Variants in KLC1 observed in about 807,000 individuals in gnomAD.
KLC1 encodes the protein kinesin 2 60/70kDa.
KLC1 carries 30 observed loss-of-function variants against 84.2 expected under a neutral mutation model. That is an observed-to-expected ratio of 0.36 (90% CI 0.27 to 0.48). The LOEUF (loss-of-function observed/expected upper bound fraction) is 0.48. Ranked by LOEUF, KLC1 falls within the 20% of genes least tolerant of loss-of-function variation. The pLI, the probability that KLC1 is intolerant of heterozygous loss-of-function variation, is 0.99. For synonymous variants in KLC1, 289 were observed against 293.3 expected (o/e 0.99, Z 0.15); for missense variants, 499 against 805.4 (o/e 0.62, Z 4.60).
At chr14:103,644,823 C>T (rs1308190998) in intron 1 of KLC1, among the ~76,000 whole-genome samples, 1 of 152,168 alleles carries the variant, frequency 6.6e-6, no homozygotes, top group African/African-American at 2.4e-5. Context: ...GGGTCAAGTT[C>T]TACCTTTAGA....
chr14:103,636,490 G>A (rs999183018), intron 1 of KLC1, among the ~76,000 whole-genome samples: 6 of 151,962 alleles, frequency 3.9e-5, no homozygotes, highest in African/African-American at 1.4e-4. Context: ...AAAGTGTTGG[G>A]ATTACAGGCG....
Position 103,673,376 on chromosome 14 carries a change from A to G in KLC1, c.1206A>G (p.Thr402=), listed in dbSNP as rs757863174. The change falls in exon 9 of 17, where the codon ACA becomes ACG. Residue 402 remains threonine (T), a synonymous_variant. Coordinates refer to ENST00000334553, the MANE Select transcript of KLC1 (RefSeq NM_001394837.1). ...AAGGAAAGTTCAAGCAAGCAGAAAC[A>G]CTGTACAAAGAGATTCTCACTCGTG... ...LKQGKFKQAE[T]LYKEILTRAH... The G allele has an allele frequency of 4.3e-6, 7 of 1,609,360 alleles. No homozygotes were observed. In the Admixed American group the frequency reaches 1.2e-4, roughly 27 times the overall value.
At chr14:103,633,821 C>G (rs1312862243) in intron 1 of KLC1, among the ~76,000 whole-genome samples, 1 of 152,080 alleles carries the variant, frequency 6.6e-6, no homozygotes, top group South Asian at 2.1e-4. Context: ...CCTGATTTTT[C>G]TCCTTAGCAC....
At chr14:103,664,675 C>T (rs1457450250) in intron 5 of KLC1, among the ~76,000 whole-genome samples, 1 of 151,744 alleles carries the variant, frequency 6.6e-6, no homozygotes, top group African/African-American at 2.4e-5. Flanking sequence ...CCACTACACC[C>T]AGCTAAATTT....
intron 12 of KLC1, among the ~76,000 whole-genome samples, chr14:103,677,872 C>G (rs1224860892): frequency 6.6e-6 from 1 of 151,622 alleles, no homozygotes; most frequent in South Asian, 2.1e-4. Context: ...GAGGCTGAGA[C>G]AGGAGAATCG....
chr14:103,656,577 C>T (rs1467982597), intron 2 of KLC1, among the ~76,000 whole-genome samples: 1 of 152,196 alleles, frequency 6.6e-6, no homozygotes, highest in Non-Finnish European at 1.5e-5. Context: ...GAGGAAGTGA[C>T]TGCCCACACC....
chr14:103,673,409 A>G lies in KLC1; in HGVS notation c.1239A>G (p.Glu413=). The stretch of plus-strand genomic sequence containing the variant: ...AAGAGATTCTCACTCGTGCACATGA[A>G]AGGGAGTTTGGTTCTGTAGATGGTA... ...LYKEILTRAH[E]REFGSVDDEN... Residue 413 remains glutamate (E), a synonymous_variant, in exon 9 of 17, where the codon GAA becomes GAG. Transcript: ENST00000334553. The G allele has an allele frequency of 6.2e-7, 1 of 1,606,736 alleles. No individual in the cohort carries two copies. The highest frequency in any genetic ancestry group is 8.5e-7 in the Non-Finnish European group (1 of 1,177,554).
At chr14:103,649,052 G>A (rs113197858) in intron 1 of KLC1, among the ~76,000 whole-genome samples, 79 of 152,024 alleles carry the variant, frequency 5.2e-4, no homozygotes, top group Admixed American at 1.0e-3. Context: ...TGGGAGGATC[G>A]CTTGAGCCCG....
intron 1 of KLC1, among the ~76,000 whole-genome samples, chr14:103,637,267 C>T (rs2077117103): frequency 6.6e-6 from 1 of 151,980 alleles, no homozygotes; most frequent in Non-Finnish European, 1.5e-5. Context: ...CGCGGTGGCT[C>T]ACACCTATAA....
intron 1 of KLC1, among the ~76,000 whole-genome samples, chr14:103,630,655 G>A (rs1223768877): frequency 6.6e-6 from 1 of 152,076 alleles, no homozygotes; most frequent in African/African-American, 2.4e-5. Context: ...TTACAGACAT[G>A]GCCTTGCTTC....
At chr14:103,646,968 C>T (rs2082848132) in intron 1 of KLC1, among the ~76,000 whole-genome samples, 1 of 152,100 alleles carries the variant, frequency 6.6e-6, no homozygotes, top group African/African-American at 2.4e-5. Flanking sequence ...AGAGGTAAAG[C>T]AACTGAATAT....
At position 103,694,407 on chromosome 14, in the gene KLC1, C is replaced by T. The variant is rs2082303719; in HGVS notation, c.1848+1982C>T. On this transcript the variant is annotated intron_variant, in intron 15 of 16. Transcript: ENST00000334553. This position sits in a 1 kb window ranked among gnomAD's most constrained non-coding sequence, Gnocchi z 4.5. The stretch of plus-strand genomic sequence containing the variant: ...GCTGGGACTACAGGCACCCGCCAGG[C>T]GGATCACAAGGTCAGGAGATCGAGA... 1.3e-5 allele frequency: 13 copies of T among 973,180 alleles called. No homozygotes were observed. Among genetic ancestry groups the T allele is most frequent in the South Asian group, 4.8e-5 (1 of 21,042 alleles). The allele number at this position is 973,180 out of a possible 1,614,324, so 60.3% of individuals were successfully genotyped here.
At chr14:103,676,344 C>G (rs1038989481) in intron 11 of KLC1, among the ~76,000 whole-genome samples, 2 of 152,172 alleles carry the variant, frequency 1.3e-5, no homozygotes, top group Non-Finnish European at 2.9e-5. Context: ...TCATGGCTCA[C>G]TGCAACCTCC....
chr14:103,653,604 A>T (rs1446471155), intron 1 of KLC1, among the ~76,000 whole-genome samples: 1 of 152,342 alleles, frequency 6.6e-6, no homozygotes, highest in African/African-American at 2.4e-5. Flanking sequence ...TATAGGAATG[A>T]GCCACCATGC....
At chr14:103,641,885 G>T (rs776933268) in intron 1 of KLC1, among the ~76,000 whole-genome samples, 46 of 152,070 alleles carry the variant, frequency 3.0e-4, no homozygotes, top group Non-Finnish European at 5.7e-4. Context: ...GCATCCCAAA[G>T]TGTTGGGATT....
intron 5 of KLC1, among the ~76,000 whole-genome samples, chr14:103,664,127 T>C (rs771977399): frequency 2.6e-5 from 4 of 152,136 alleles, no homozygotes; most frequent in Admixed American, 6.6e-5. Context: ...TTCCTGTTGG[T>C]GAATGTTGAG....
chr14:103,694,253 T>C lies in KLC1; in HGVS notation c.1848+1828T>C. 1 of 790,058 alleles carries C rather than the reference T, an allele frequency of 1.3e-6. No individual in the cohort carries two copies. Among genetic ancestry groups the C allele is most frequent in the African/African-American group, 2.1e-5 (1 of 47,158 alleles). The allele number at this position is 790,058 out of a possible 1,614,324, so 48.9% of individuals were successfully genotyped here. A position where few individuals can be genotyped will look rare whatever the true frequency, so the allele number is the denominator to read the frequency against. ...GCCCATAGAGACGTGTGTTTCACTTTTTTTTTTTTTTTTTTTGAGACGGAG... is the reference window on the plus strand; with the variant it reads ...GCCCATAGAGACGTGTGTTTCACTTCTTTTTTTTTTTTTTTTGAGACGGAG... On this transcript the variant is annotated intron_variant, in intron 15 of 16. Coordinates refer to ENST00000334553, the MANE Select transcript of KLC1 (RefSeq NM_001394837.1). This position sits in a 1 kb window ranked among gnomAD's most constrained non-coding sequence, Gnocchi z 4.5.
At chr14:103,658,428 GTTTTTTTTTTTTTTTT>G (rs536826342) in intron 3 of KLC1, among the ~76,000 whole-genome samples, 1 of 91,232 alleles carries the variant, frequency 1.1e-5, no homozygotes, top group Non-Finnish European at 2.0e-5. Context: ...GCCCAGCTAA[GTTTTTTTTTTTTTTTT>G]TTTTTTTTTT....
In KLC1 at chr14:103,646,510, T is replaced by C. The variant is rs534291259; in HGVS notation, c.-1-8054T>C. On this transcript the variant is annotated intron_variant, in intron 1 of 16. Coordinates refer to ENST00000334553, the MANE Select transcript of KLC1 (RefSeq NM_001394837.1). Reference sequence around the variant, plus strand: ...AAAATATTATATGTATGCATATATATGTGTATATATACATATTTCAGACAA... The same window carrying C: ...AAAATATTATATGTATGCATATATACGTGTATATATACATATTTCAGACAA... Among the ~76,000 whole-genome samples the C allele has an allele frequency of 4.6e-5, 7 of 152,272 alleles. No homozygotes were observed. In the South Asian group the frequency reaches 1.4e-3, roughly 32 times the overall value.
Sources: gnomAD v4.1 joint callset for allele counts (sites outside exome capture counted in the v4.1 genomes callset) on GRCh38, gnomAD v4.1.1 for gene constraint, Gnocchi (gnomAD v3.1) non-coding constraint, MANE v1.5 for transcripts, NCBI Gene and HGNC (gene_info 2026-07-23, HGNC 2026-07-21) for gene names.